The following EML5 variants were observed in gnomAD, a reference collection of about 807,000 sequenced individuals.
EML5 encodes EMAP like 5.
EML5 carries 120 observed loss-of-function variants against 250.0 expected under a neutral mutation model. The ratio of observed to expected loss-of-function variants is 0.48; its 90% CI spans 0.41 to 0.56. The LOEUF (loss-of-function observed/expected upper bound fraction) is 0.56, where lower values mean the gene tolerates loss of function less well. Among genes scored for constraint, EML5 ranks in the 20% least tolerant of loss-of-function variants. The probability of loss-of-function intolerance (pLI) is 0.00; values close to 1 mark genes in which losing one functional copy is unlikely to be tolerated. For synonymous variants in EML5, 771 were observed against 806.5 expected, an observed-to-expected ratio of 0.96 and a Z score of 0.75; for missense variants, 2,006 against 2,437.6, an observed-to-expected ratio of 0.82 and a Z score of 3.73.
intron 31 of EML5, 141 bp downstream of exon 31, chr14:88,642,751 GA>G (rs2091136898): frequency 1.2e-6 from 1 of 862,000 alleles, no homozygotes; most frequent in Non-Finnish European, 1.7e-6. Context: ...AGAAAGTTCT[GA>G]AATATGAAAT....
At chr14:88,768,770 T>C (rs1372551638) in intron 1 of EML5, among the ~76,000 whole-genome samples, 1 of 152,228 alleles carries the variant, frequency 6.6e-6, no homozygotes, top group Non-Finnish European at 1.5e-5. Context: ...AGAATTCTAC[T>C]ACAAGGAAGT....
intron 31 of EML5, among the ~76,000 whole-genome samples, chr14:88,640,839 T>A (rs1367938046): frequency 6.6e-6 from 1 of 151,188 alleles, no homozygotes; most frequent in African/African-American, 2.4e-5. Flanking sequence ...AAAAAGAAGA[T>A]CCCAATAAAC....
At chr14:88,697,252 G>T (rs2093100240) in intron 14 of EML5, among the ~76,000 whole-genome samples, 1 of 152,060 alleles carries the variant, frequency 6.6e-6, no homozygotes, top group African/African-American at 2.4e-5. Context: ...TTGTATGCTA[G>T]ATACAACGAG....
intron 21 of EML5, among the ~76,000 whole-genome samples, chr14:88,669,551 G>A (rs559974662): frequency 6.6e-6 from 1 of 152,274 alleles, no homozygotes; most frequent in Admixed American, 6.5e-5. Context: ...AGGAATTTCA[G>A]CAACTCCAGC....
chr14:88,698,429 G>A (rs892235986), intron 14 of EML5, among the ~76,000 whole-genome samples: 9 of 151,818 alleles, frequency 5.9e-5, no homozygotes, highest in African/African-American at 2.2e-4. Flanking sequence ...ACCATGCCCG[G>A]CTAATTTTTG....
chr14:88,618,440 T>A, intron 40 of EML5, 109 bp from the exon 41 acceptor site: 1 of 1,132,688 alleles, frequency 8.8e-7, no homozygotes, highest in Non-Finnish European at 1.3e-6. Flanking sequence ...ATGTCTAACA[T>A]TATTAAGTAT....
intron 21 of EML5, among the ~76,000 whole-genome samples, chr14:88,676,237 C>G (rs2092590835): frequency 6.6e-6 from 1 of 152,188 alleles, no homozygotes; most frequent in Non-Finnish European, 1.5e-5. Flanking sequence ...ATACCTGAGA[C>G]TAAGCAATTT....
chr14:88,783,213 A>G (rs1309501581), intron 1 of EML5, among the ~76,000 whole-genome samples: 1 of 152,186 alleles, frequency 6.6e-6, no homozygotes, highest in Non-Finnish European at 1.5e-5. Context: ...GTGGGGTTGG[A>G]GCCCCCACAC....
chr14:88,634,339 T>G, intron 33 of EML5, 130 bp downstream of exon 33: 1 of 596,318 alleles, frequency 1.7e-6, no homozygotes, highest in Non-Finnish European at 2.8e-6. Flanking sequence ...ATTAAACACA[T>G]TTTCTTTGTA....
chr14:88,669,499 C>G (rs575098395), intron 21 of EML5, among the ~76,000 whole-genome samples: 1 of 152,280 alleles, frequency 6.6e-6, no homozygotes, highest in South Asian at 2.1e-4. Flanking sequence ...CTCTTTAGGT[C>G]GGACCCTGAC....
chr14:88,731,557 G>T (rs899514967), intron 7 of EML5, among the ~76,000 whole-genome samples: 1 of 152,192 alleles, frequency 6.6e-6, no homozygotes, highest in Non-Finnish European at 1.5e-5. Flanking sequence ...ATAGCAGCAT[G>T]ATTTATAACC....
intron 32 of EML5, among the ~76,000 whole-genome samples, chr14:88,635,313 C>T (rs2090659909): frequency 6.6e-6 from 1 of 152,140 alleles, no homozygotes; most frequent in South Asian, 2.1e-4. Context: ...GAATAAAGTA[C>T]TTAACTCTGC....
chr14:88,733,430 T>C (rs2093791176), intron 7 of EML5, among the ~76,000 whole-genome samples: 1 of 152,260 alleles, frequency 6.6e-6, no homozygotes, highest in Non-Finnish European at 1.5e-5. Flanking sequence ...TTTTAACTAA[T>C]ATCTTTAGTT....
At chr14:88,660,202 G>A (rs113201733) in intron 25 of EML5, among the ~76,000 whole-genome samples, 3,004 of 151,518 alleles carry the variant, frequency 0.02, 96 homozygotes, top group African/African-American at 0.066. Context: ...AGGATAACTT[G>A]GGTCTGGAAG....
chr14:88,638,730 G>T, intron 32 of EML5, 79 bp downstream of exon 32: 1 of 1,218,312 alleles, frequency 8.2e-7, no homozygotes, highest in South Asian at 1.4e-5. Flanking sequence ...ATAAAATTTT[G>T]ATTTTTTCCT....
At chr14:88,783,453 G>A (rs766614018) in intron 1 of EML5, among the ~76,000 whole-genome samples, 98 of 152,028 alleles carry the variant, frequency 6.4e-4, no homozygotes, top group Non-Finnish European at 1.1e-3. Flanking sequence ...ATACACACAC[G>A]GACTGAAAAT....
Position 88,739,000 on chromosome 14 carries a change from G to A in EML5, c.726C>T (p.Ser242=). 6.2e-7 allele frequency: 1 copy of A among 1,604,378 alleles called. No homozygotes were observed. The highest frequency in any genetic ancestry group is 1.1e-5 in the South Asian group (1 of 87,958). Residue 242 remains serine (S), a synonymous_variant, in exon 6 of 44, where the codon AGC becomes AGT. Transcript: ENST00000554922. ...CAAAGCCTTCTTCACAAGCATTCAT[G>A]CTAAAAATTCCTGCCTAGAAGAGGA... ...IQGAHAAGIF[S]MNACEEGFAT...
At chr14:88,637,589 G>C (rs1233195153) in intron 32 of EML5, among the ~76,000 whole-genome samples, 1 of 152,102 alleles carries the variant, frequency 6.6e-6, no homozygotes, top group Non-Finnish European at 1.5e-5. Context: ...TTGCCTTTTT[G>C]TAAGTAGCCC....
chr14:88,635,623 A>T lies in EML5; in HGVS notation c.4337-1134T>A, dbSNP rs138302717. On this transcript the variant is annotated intron_variant, in intron 32 of 43. Coordinates refer to ENST00000554922, the MANE Select transcript of EML5 (RefSeq NM_183387.3). ...ACACTCCTATAATGATCTGGAAGGC[A>T]GATACCAATTTAGAACTCCTTAGAG... is the stretch of plus-strand genomic sequence containing the variant. 8.9e-4 allele frequency among the ~76,000 whole-genome samples: 136 copies of T among 152,374 alleles called. 3 individuals are homozygous for T. In the East Asian group the frequency reaches 0.023, roughly 26 times the overall value.
Sources: gnomAD v4.1 joint callset for allele counts (sites outside exome capture counted in the v4.1 genomes callset) on GRCh38, gnomAD v4.1.1 for gene constraint, MANE v1.5 for transcripts, NCBI Gene and HGNC (gene_info 2026-07-23, HGNC 2026-07-21) for gene names.